Variants in TPCN2 observed in about 807,000 individuals in gnomAD.
TPCN2 encodes two pore channel protein 2.
In TPCN2, 92 loss-of-function variants were observed where a neutral mutation model predicts 111.4. The observed-to-expected ratio is 0.83, with a 90% CI of 0.70 to 0.98. The LOEUF (loss-of-function observed/expected upper bound fraction) is 0.98. Among genes scored for constraint, TPCN2 ranks in the 50% least tolerant of loss-of-function variants. The pLI is 0.00. For missense variants in TPCN2, 995 were observed against 980.1 expected (o/e 1.02, Z -0.20); for synonymous variants, 405 against 414.5 (o/e 0.98, Z 0.28).
At chr11:69,058,227 A>G (rs886379586) in intron 5 of TPCN2, among the ~76,000 whole-genome samples, 9 of 152,224 alleles carry the variant, frequency 5.9e-5, no homozygotes, top group African/African-American at 1.9e-4. Context: ...AGCAGAATCC[A>G]CTGGGGTCTG....
At chr11:69,055,465 G>A in intron 4 of TPCN2, 113 bp downstream of exon 4, 2 of 1,167,434 alleles carry the variant, frequency 1.7e-6, no homozygotes, top group Non-Finnish European at 2.3e-6. Context: ...CCCAGACTTT[G>A]TACTTTGACC....
At chr11:69,065,137 T>C (rs1249127878) in intron 7 of TPCN2, among the ~76,000 whole-genome samples, 2 of 152,120 alleles carry the variant, frequency 1.3e-5, no homozygotes, top group Non-Finnish European at 2.9e-5. Flanking sequence ...TGCATGTGTG[T>C]GCGTATCTCT....
chr11:69,088,124 A>G lies in TPCN2; in HGVS notation c.*171A>G, dbSNP rs1036778012. On this transcript the variant is annotated 3_prime_UTR_variant, in exon 25 of 25. Transcript: ENST00000294309. ...CAAGTCCTTTGCGTGTGGCCCAACA[A>G]CCATCTACAGAACAGCTGCTGGTGC... 7 of 605,716 alleles carry G rather than the reference A, an allele frequency of 1.2e-5. No homozygotes were observed. Among genetic ancestry groups the G allele is most frequent in the East Asian group, 2.8e-5 (1 of 35,600 alleles). The allele number at this position is 605,716 out of a possible 1,614,324, so 37.5% of individuals were successfully genotyped here. A position where few individuals can be genotyped will look rare whatever the true frequency, so the allele number is the denominator to read the frequency against.
At chr11:69,075,556 G>A (rs1855716360) in intron 13 of TPCN2, among the ~76,000 whole-genome samples, 1 of 152,230 alleles carries the variant, frequency 6.6e-6, no homozygotes, top group South Asian at 2.1e-4. Flanking sequence ...TGACGTGAAG[G>A]GCTGGCAGAG....
Position 69,072,696 on chromosome 11 carries a change from G to A in TPCN2, c.1131G>A (p.Gln377=). ...TCCAGCTGGACAGCTCCCACAAACA[G>A]GCCATGATGGAGGTACCCGCCCCCT... ...QKVQLDSSHK[Q]AMMEKVRSYG... is the part of the protein sequence containing the mutation. The change falls in exon 12 of 25, where the codon CAG becomes CAA. Residue 377 remains glutamine (Q), a synonymous_variant. Transcript: ENST00000294309. The A allele has an allele frequency of 2.5e-6, 4 of 1,613,798 alleles. No homozygotes were observed. Among genetic ancestry groups the A allele is most frequent in the Non-Finnish European group, 2.5e-6 (3 of 1,180,016 alleles).
rs1565084835 is a variant in TPCN2 at position 69,065,037 on chromosome 11, G to GCA, written c.726+1070_726+1071insCA. On this transcript the variant is annotated intron_variant, in intron 7 of 24. Transcript: ENST00000294309. ...ATGGTGTCTGTATGTCTGTGTGTGC[G>GCA]TGTGGTGTCGTGTGTGTGGTGTGTC... Among the ~76,000 whole-genome samples the GCA allele has an allele frequency of 1.5e-5, 2 of 129,418 alleles. 1 individual carries two copies. The highest frequency in any genetic ancestry group is 3.4e-5 in the Non-Finnish European group (2 of 58,214). The allele number at this position is 129,418 out of a possible 152,430, so 84.9% of individuals were successfully genotyped here.
chr11:69,065,942 C>T (rs1332847366), intron 7 of TPCN2, among the ~76,000 whole-genome samples: 1 of 151,874 alleles, frequency 6.6e-6, no homozygotes, highest in Non-Finnish European at 1.5e-5. Flanking sequence ...GCAGGAGGTA[C>T]GGGAAGTCAT....
chr11:69,054,585 C>A, intron 2 of TPCN2, 136 bp from the exon 3 acceptor site: 1 of 795,578 alleles, frequency 1.3e-6, no homozygotes, highest in Non-Finnish European at 2.1e-6. Context: ...TCAGGGCTGG[C>A]CATGTCCACA....
chr11:69,088,344 C>A lies in TPCN2; in HGVS notation c.*391C>A. 5.3e-6 allele frequency: 1 copy of A among 187,092 alleles called. No homozygotes were observed. The highest frequency in any genetic ancestry group is 1.1e-5 in the Non-Finnish European group (1 of 89,828). 11.6% of individuals were successfully genotyped at this position (187,092 alleles called of 1,614,324 possible). The stretch of plus-strand genomic sequence containing the variant: ...CTGACCAGGGCCTGCACAGGTTAAC[C>A]GTCAGACTTCCGGGGCATTCAGGTG... On this transcript the variant is annotated 3_prime_UTR_variant, in exon 25 of 25. Transcript: ENST00000294309.
Position 69,049,102 on chromosome 11 carries a change from C to G in TPCN2, c.105C>G (p.Gly35=). 4.8e-6 allele frequency: 6 copies of G among 1,241,186 alleles called. No individual in the cohort carries two copies. Among genetic ancestry groups the G allele is most frequent in the Non-Finnish European group, 6.1e-6 (6 of 987,308 alleles). 76.9% of individuals were successfully genotyped at this position (1,241,186 alleles called of 1,614,324 possible). ...CCACTTACCGCAGCATCCAAGTCGGCCCTGGTGAGCCGCCCGGACCTGGGG... is the reference window on the plus strand; with the variant it reads ...CCACTTACCGCAGCATCCAAGTCGGGCCTGGTGAGCCGCCCGGACCTGGGG... ...GLTTYRSIQV[G]PGAAARWDLC... is the part of the protein sequence containing the mutation. Residue 35 remains glycine, a synonymous_variant, in exon 1 of 25, where the codon GGC becomes GGG. Coordinates refer to ENST00000294309, the MANE Select transcript of TPCN2 (RefSeq NM_139075.4).
At chr11:69,085,352 GCGGTGGCCT>G (rs1476546026) in intron 20 of TPCN2, 66 bp downstream of exon 20, 7 of 1,434,554 alleles carry the variant, frequency 4.9e-6, no homozygotes, top group Non-Finnish European at 6.9e-6. Flanking sequence ...GGAAGCCTTG[GCGGTGGCCT>G]CAGTGGGCTC....
At chr11:69,069,546 C>T (rs372710905) in intron 8 of TPCN2, among the ~76,000 whole-genome samples, 1 of 4,818 alleles carries the variant, frequency 2.1e-4, no homozygotes, top group African/African-American at 3.4e-4. Flanking sequence ...AGGAAGTGAC[C>T]GCACTGGGAG....
intron 18 of TPCN2, among the ~76,000 whole-genome samples, chr11:69,083,466 C>G (rs1332144164): frequency 6.6e-6 from 1 of 152,226 alleles, no homozygotes. Context: ...TGCTGGTTCT[C>G]AGAGGCCCCT....
chr11:69,071,354 A>T lies in TPCN2; in HGVS notation c.896-2A>T. The T allele has an allele frequency of 6.2e-7, 1 of 1,613,672 alleles. No individual in the cohort carries two copies. The highest frequency in any genetic ancestry group is 1.3e-5 in the African/African-American group (1 of 75,042). Reference sequence around the variant, plus strand: ...CCTGACCGTGGCTGTCTCCTCTTGAAGGAAGCCTGTTTCTGATGAACCTGC... The same window carrying T: ...CCTGACCGTGGCTGTCTCCTCTTGATGGAAGCCTGTTTCTGATGAACCTGC... On this transcript the variant is annotated splice_acceptor_variant, in intron 9 of 24. Coordinates refer to ENST00000294309, the MANE Select transcript of TPCN2 (RefSeq NM_139075.4). LOFTEE classifies it high-confidence loss of function.
intron 5 of TPCN2, among the ~76,000 whole-genome samples, chr11:69,058,345 C>T (rs534031894): frequency 9.2e-5 from 14 of 152,268 alleles, no homozygotes; most frequent in African/African-American, 2.4e-4. Flanking sequence ...CCAGAACCAC[C>T]GGGAGCAGTC....
At chr11:69,065,171 C>T (rs192526955) in intron 7 of TPCN2, among the ~76,000 whole-genome samples, 1 of 152,134 alleles carries the variant, frequency 6.6e-6, no homozygotes, top group East Asian at 1.9e-4. Flanking sequence ...TGTTTGTGTG[C>T]CTGTCTGTGG....
chr11:69,065,083 CTG>C (rs1855212260), intron 7 of TPCN2, among the ~76,000 whole-genome samples: 1 of 150,510 alleles, frequency 6.6e-6, no homozygotes, highest in Non-Finnish European at 1.5e-5. Context: ...TGCATGGTGT[CTG>C]TATGTCTCTG....
chr11:69,070,324 C>T, intron 8 of TPCN2, 106 bp from the exon 9 acceptor site: 1 of 885,050 alleles, frequency 1.1e-6, no homozygotes. Flanking sequence ...CCACGCTCAG[C>T]AATGGAGACC....
In TPCN2 at chr11:69,084,531, T is replaced by C. The variant is rs569646540; in HGVS notation, c.1761+515T>C. The C allele has an allele frequency of 2.0e-4, 194 of 976,374 alleles. No homozygotes were observed. The African/African-American group carries it at 3.2e-3, about 16-fold the overall frequency. 60.5% of individuals were successfully genotyped at this position (976,374 alleles called of 1,614,324 possible). On this transcript the variant is annotated intron_variant, in intron 19 of 24. Transcript: ENST00000294309. ...TTCCAGCTGAGGAGCCCATCTGCTC[T>C]GCCTGGTGGCCGGGCTTGGGCAGGA... is the stretch of plus-strand genomic sequence containing the variant.
Sources: gnomAD v4.1 joint callset for allele counts (sites outside exome capture counted in the v4.1 genomes callset) on GRCh38, gnomAD v4.1.1 for gene constraint, MANE v1.5 for transcripts, NCBI Gene and HGNC (gene_info 2026-07-23, HGNC 2026-07-21) for gene names.